ITPKB: variants seen among roughly 807,000 people sequenced by gnomAD.
The protein encoded by ITPKB is inositol-trisphosphate 3-kinase B, also known as IP3 3-kinase B.
In ITPKB, 13 loss-of-function variants were observed where a neutral mutation model predicts 69.4. The ratio of observed to expected loss-of-function variants is 0.19; its 90% CI spans 0.12 to 0.30. The LOEUF (loss-of-function observed/expected upper bound fraction) is 0.30. Ranked by LOEUF, ITPKB falls within the 10% of genes least tolerant of loss-of-function variation. ITPKB has a pLI of 1.00. For synonymous variants in ITPKB, 584 were observed against 513.7 expected, an observed-to-expected ratio of 1.14 and a Z score of -1.85; for missense variants, 1,240 against 1,250.5, an observed-to-expected ratio of 0.99 and a Z score of 0.13.
At chr1:226,734,619 T>C (rs1657691368) in intron 2 of ITPKB, among the ~76,000 whole-genome samples, 1 of 152,156 alleles carries the variant, frequency 6.6e-6, no homozygotes, top group Non-Finnish European at 1.5e-5. Context: ...TAGCTTCAAC[T>C]CCTATGTCTT....
chr1:226,637,864 G>T lies in ITPKB; in HGVS notation c.2554-114C>A, dbSNP rs762597188. The T allele has an allele frequency of 2.6e-6, 2 of 763,118 alleles. No homozygotes were observed. Among genetic ancestry groups the T allele is most frequent in the Non-Finnish European group, 4.5e-6 (2 of 440,560 alleles). 47.3% of individuals were successfully genotyped at this position (763,118 alleles called of 1,614,324 possible). A position where few individuals can be genotyped will look rare whatever the true frequency, so the allele number is the denominator to read the frequency against. On this transcript the variant is annotated intron_variant, in intron 6 of 7. Transcript: ENST00000429204. This position sits in a 1 kb window ranked among gnomAD's most constrained non-coding sequence, Gnocchi z 4.3. ...GTGAATGTGCTTTACCCTAAACGCCGGACATCTAGAGGCAGCTTCCTGCGA... is the reference window on the plus strand; with the variant it reads ...GTGAATGTGCTTTACCCTAAACGCCTGACATCTAGAGGCAGCTTCCTGCGA...
intron 2 of ITPKB, among the ~76,000 whole-genome samples, chr1:226,708,640 A>G (rs560057103): frequency 2.6e-5 from 4 of 152,348 alleles, no homozygotes; most frequent in African/African-American, 9.6e-5. Context: ...AACCACGAGG[A>G]AAGATGAGTC....
At chr1:226,683,429 A>G (rs1306965026) in intron 2 of ITPKB, among the ~76,000 whole-genome samples, 1 of 152,196 alleles carries the variant, frequency 6.6e-6, no homozygotes, top group Non-Finnish European at 1.5e-5. Context: ...GTAAGAAAAC[A>G]GAGGCTCAGG....
chr1:226,638,808 T>A (rs976931242), intron 6 of ITPKB, among the ~76,000 whole-genome samples: 3 of 151,650 alleles, frequency 2.0e-5, no homozygotes, highest in African/African-American at 7.3e-5. Flanking sequence ...CTGTGAAGAT[T>A]TGCTGCACGC....
At chr1:226,723,253 G>C (rs1020997595) in intron 2 of ITPKB, among the ~76,000 whole-genome samples, 2 of 152,082 alleles carry the variant, frequency 1.3e-5, no homozygotes, top group East Asian at 3.9e-4. Context: ...TGTGACTTGG[G>C]AAGTCCTGGG....
chr1:226,691,237 T>TAA (rs74258786), intron 2 of ITPKB, among the ~76,000 whole-genome samples: 2 of 144,256 alleles, frequency 1.4e-5, no homozygotes, highest in Admixed American at 6.9e-5. Flanking sequence ...TTGCCACATT[T>TAA]AAAAAAAAAA....
Position 226,737,033 on chromosome 1 carries a change from C to G in ITPKB, c.426G>C (p.Gln142His). 1 of 1,612,494 alleles carries G rather than the reference C, an allele frequency of 6.2e-7. No individual in the cohort carries two copies. Among genetic ancestry groups the G allele is most frequent in the Non-Finnish European group, 8.5e-7 (1 of 1,179,936 alleles). The change falls in exon 2 of 8, where the codon CAG becomes CAC. Residue 142 changes from glutamine to histidine, a missense_variant. Physicochemically the swap from Gln to His is conservative, Grantham distance 24. Around this residue, in one of 2 missense-constraint regions of ITPKB, gnomAD observed 992 missense variants for 853.8 expected, o/e 1.16. Transcript: ENST00000429204. Reference sequence around the variant, plus strand: ...CAAACATGCCCACTTTCTGGTTCACCTGCACGTTCTGCAACTCGCGCTGCA... The same window carrying G: ...CAAACATGCCCACTTTCTGGTTCACGTGCACGTTCTGCAACTCGCGCTGCA... ...RILQRELQNV[Q>H]VNQKVGMFEA...
chr1:226,688,135 TTC>T (rs991349963), intron 2 of ITPKB, among the ~76,000 whole-genome samples: 6 of 152,222 alleles, frequency 3.9e-5, no homozygotes, highest in Admixed American at 3.9e-4. Context: ...GGGTTCACAC[TTC>T]TGATAGGGTT....
Position 226,696,794 on chromosome 1 carries a change from T to G in ITPKB, c.1932+38733A>C, listed in dbSNP as rs560292292. On this transcript the variant is annotated intron_variant, in intron 2 of 7. Coordinates refer to ENST00000429204, the MANE Select transcript of ITPKB (RefSeq NM_002221.4). ...TACTAAGGCCTGAGAATCTCAGAGCTGAGACACTGCAGAGGTGATGTAGCC... is the reference window on the plus strand; with the variant it reads ...TACTAAGGCCTGAGAATCTCAGAGCGGAGACACTGCAGAGGTGATGTAGCC... Among the ~76,000 whole-genome samples, 24 of 152,316 alleles carry G rather than the reference T, an allele frequency of 1.6e-4. No homozygotes were observed. The South Asian group carries it at 4.6e-3, about 29-fold the overall frequency.
At chr1:226,639,227 T>G (rs576067509) in intron 6 of ITPKB, among the ~76,000 whole-genome samples, 1 of 152,072 alleles carries the variant, frequency 6.6e-6, no homozygotes, top group African/African-American at 2.4e-5. Flanking sequence ...CCGGCTAATT[T>G]TTGTGTTTTT....
chr1:226,716,712 A>C (rs1431063739), intron 2 of ITPKB, among the ~76,000 whole-genome samples: 1 of 152,250 alleles, frequency 6.6e-6, no homozygotes, highest in East Asian at 1.9e-4. Flanking sequence ...CATTTGATTC[A>C]GTTCCAACTT....
At chr1:226,670,063 TG>T (rs775330921) in intron 2 of ITPKB, among the ~76,000 whole-genome samples, 1 of 148,096 alleles carries the variant, frequency 6.8e-6, no homozygotes, top group Non-Finnish European at 1.5e-5. Context: ...TTAGTAGAGA[TG>T]GGGTTTCACT....
chr1:226,672,928 G>A (rs1669646991), intron 2 of ITPKB, among the ~76,000 whole-genome samples: 1 of 152,194 alleles, frequency 6.6e-6, no homozygotes, highest in Admixed American at 6.5e-5. Flanking sequence ...TTTGGCTTCT[G>A]TACCCCAATT....
intron 2 of ITPKB, among the ~76,000 whole-genome samples, chr1:226,706,826 T>C (rs577084474): frequency 3.3e-5 from 5 of 152,318 alleles, no homozygotes; most frequent in African/African-American, 1.2e-4. Flanking sequence ...GGCCTGGGTG[T>C]GTCAGTCGCC....
At chr1:226,731,493 AT>A (rs1290901196) in intron 2 of ITPKB, among the ~76,000 whole-genome samples, 2 of 152,286 alleles carry the variant, frequency 1.3e-5, no homozygotes, top group East Asian at 3.9e-4. Flanking sequence ...GTCTTGTCGC[AT>A]TTTCTGATAC....
intron 2 of ITPKB, among the ~76,000 whole-genome samples, chr1:226,658,520 G>A (rs1247913344): frequency 6.6e-6 from 1 of 152,188 alleles, no homozygotes; most frequent in African/African-American, 2.4e-5. Context: ...GGTAGCTCCA[G>A]CTAAAAATAA....
chr1:226,726,508 T>G (rs1226628329), intron 2 of ITPKB, among the ~76,000 whole-genome samples: 1 of 152,006 alleles, frequency 6.6e-6, no homozygotes, highest in African/African-American at 2.4e-5. Flanking sequence ...AAGAGATGTC[T>G]CTACTAAAAA....
At chr1:226,663,295 G>A (rs1270139533) in intron 2 of ITPKB, among the ~76,000 whole-genome samples, 4 of 151,952 alleles carry the variant, frequency 2.6e-5, no homozygotes, top group African/African-American at 7.3e-5. Flanking sequence ...CACCAGTCTC[G>A]CCTCCTATTA....
In ITPKB at chr1:226,683,547, C is replaced by T. The variant is rs895841392; in HGVS notation, c.1933-34776G>A. Among the ~76,000 whole-genome samples, 9 of 152,190 alleles carry T rather than the reference C, an allele frequency of 5.9e-5. No homozygotes were observed. The East Asian group carries it at 7.8e-4, about 13-fold the overall frequency. On this transcript the variant is annotated intron_variant, in intron 2 of 7. Coordinates refer to ENST00000429204, the MANE Select transcript of ITPKB (RefSeq NM_002221.4). The stretch of plus-strand genomic sequence containing the variant: ...TCTCCACCATGCTATGCCCCATGAC[C>T]GCCTACCCATGTCAAAGGCCCTCCT...
Sources: gnomAD v4.1 joint callset for allele counts (sites outside exome capture counted in the v4.1 genomes callset) on GRCh38, gnomAD v4.1.1 for gene constraint, gnomAD v4.1.1 regional missense constraint, Gnocchi (gnomAD v3.1) non-coding constraint, MANE v1.5 for transcripts, NCBI Gene and HGNC (gene_info 2026-07-23, HGNC 2026-07-21) for gene names.